Variants in PCDHA1 observed in about 807,000 individuals in gnomAD.
PCDHA1 encodes protocadherin alpha-1.
PCDHA1 carries 42 observed loss-of-function variants against 61.3 expected under a neutral mutation model. That is an observed-to-expected ratio of 0.69 (90% confidence interval 0.54 to 0.89). The LOEUF (loss-of-function observed/expected upper bound fraction) is 0.89. Ranked by LOEUF, PCDHA1 falls within the 40% of genes least tolerant of loss-of-function variation. The pLI is 0.00. For synonymous variants in PCDHA1, 610 were observed against 553.8 expected (o/e 1.10, Z -1.43); for missense variants, 1,256 against 1,235.3 (o/e 1.02, Z -0.25).
chr5:140,822,263 C>A, intron 1 of PCDHA1: 1 of 1,614,228 alleles, frequency 6.2e-7, no homozygotes, highest in Non-Finnish European at 8.5e-7. Flanking sequence ...GATATTGGAG[C>A]AAATGCACAA....
chr5:140,817,295 A>AG (rs1269324831), intron 1 of PCDHA1: 16 of 152,208 alleles, frequency 1.1e-4, no homozygotes, highest in Non-Finnish European at 2.1e-4. Flanking sequence ...ATGGGACTAT[A>AG]GGGAAAGTGC....
chr5:140,967,490 C>G (rs1554229615), intron 1 of PCDHA1: 2 of 1,613,210 alleles, frequency 1.2e-6, no homozygotes, highest in East Asian at 2.2e-5. Context: ...GGGTACGGCA[C>G]AGATCTCTGT....
At chr5:140,868,317 C>G (rs2050392446) in intron 1 of PCDHA1, 2 of 151,824 alleles carry the variant, frequency 1.3e-5, no homozygotes, top group South Asian at 4.2e-4. Context: ...TCATATTGTT[C>G]TGCAATGAAT....
chr5:140,982,967 T>C (rs1395576199), intron 3 of PCDHA1, among the ~76,000 whole-genome samples: 1 of 150,996 alleles, frequency 6.6e-6, no homozygotes, highest in Non-Finnish European at 1.5e-5. Flanking sequence ...CCACCCAAAG[T>C]AGTAAGGAAA....
chr5:140,848,780 G>C, intron 1 of PCDHA1: 3 of 1,593,474 alleles, frequency 1.9e-6, no homozygotes, highest in South Asian at 1.1e-5. Flanking sequence ...GCGAGGAGCT[G>C]TGCGGGCGGA....
intron 3 of PCDHA1, among the ~76,000 whole-genome samples, chr5:141,004,872 C>T (rs1242067093): frequency 6.6e-6 from 1 of 152,042 alleles, no homozygotes; most frequent in Non-Finnish European, 1.5e-5. Context: ...GTTTCTCATC[C>T]CTAAAGTGCT....
At chr5:140,860,585 A>G (rs782000527) in intron 1 of PCDHA1, 1 of 152,230 alleles carries the variant, frequency 6.6e-6, no homozygotes, top group African/African-American at 2.4e-5. Flanking sequence ...AAGGTATAGG[A>G]AAGGAGTTGG....
At position 140,927,227 on chromosome 5, in the gene PCDHA1, T is replaced by G. The variant is rs782721972; in HGVS notation, c.2395-51722T>G. The G allele has an allele frequency of 3.2e-5, 51 of 1,613,848 alleles. No individual in the cohort carries two copies. The highest frequency in any genetic ancestry group is 1.6e-4 in the Middle Eastern group (1 of 6,084). ...CCGCTGGAGCTGCACAAGATTCGGA[T>G]TCACGTCCTGGACACCAATGACAAC... On this transcript the variant is annotated intron_variant, in intron 1 of 3. Coordinates refer to ENST00000504120, the MANE Select transcript of PCDHA1 (RefSeq NM_018900.4).
intron 1 of PCDHA1, chr5:140,848,792 C>CAG (rs2150420729): frequency 1.3e-6 from 2 of 1,592,840 alleles, no homozygotes; most frequent in Non-Finnish European, 8.6e-7. Context: ...GCGGGCGGAG[C>CAG]GCGGAGTGCA....
At chr5:140,912,116 C>G (rs2075772929) in intron 1 of PCDHA1, among the ~76,000 whole-genome samples, 1 of 152,188 alleles carries the variant, frequency 6.6e-6, no homozygotes, top group Non-Finnish European at 1.5e-5. Context: ...GGCTGGGAGG[C>G]TAAGTCAGTC....
chr5:140,809,146 C>T, intron 1 of PCDHA1: 1 of 1,613,986 alleles, frequency 6.2e-7, no homozygotes, highest in Non-Finnish European at 8.5e-7. Flanking sequence ...TGGTGAAGGA[C>T]CACGGCGAGC....
intron 1 of PCDHA1, among the ~76,000 whole-genome samples, chr5:140,872,601 AAAT>A (rs1346815805): frequency 2.6e-5 from 4 of 152,140 alleles, no homozygotes; most frequent in African/African-American, 7.2e-5. Flanking sequence ...CCATCTGAAA[AAAT>A]AATTTTTTTT....
intron 1 of PCDHA1, among the ~76,000 whole-genome samples, chr5:140,974,566 C>T (rs2096631979): frequency 6.6e-6 from 1 of 152,138 alleles, no homozygotes; most frequent in African/African-American, 2.4e-5. Context: ...GGCTGGAGTG[C>T]AATGGCATGA....
At chr5:140,842,265 T>C in intron 1 of PCDHA1, 1 of 1,610,902 alleles carries the variant, frequency 6.2e-7, no homozygotes. Flanking sequence ...CAAGAAAACT[T>C]ATACAAAATC....
chr5:140,795,149 G>C, intron 1 of PCDHA1: 2 of 1,614,036 alleles, frequency 1.2e-6, no homozygotes, highest in Non-Finnish European at 1.7e-6. Flanking sequence ...CTGGTGCCGC[G>C]CCTGTTCCGG....
At chr5:140,834,585 T>C in intron 1 of PCDHA1, 1 of 1,614,126 alleles carries the variant, frequency 6.2e-7, no homozygotes, top group South Asian at 1.1e-5. Context: ...CCGGGCGGTG[T>C]GCAAATTCCG....
At chr5:140,920,767 C>T (rs1484117906) in intron 1 of PCDHA1, among the ~76,000 whole-genome samples, 1 of 151,632 alleles carries the variant, frequency 6.6e-6, no homozygotes. Context: ...TTGCTTACAC[C>T]TGGGAGGTGG....
chr5:140,800,074 G>A (rs1421495694), intron 1 of PCDHA1, among the ~76,000 whole-genome samples: 1 of 151,986 alleles, frequency 6.6e-6, no homozygotes, highest in African/African-American at 2.4e-5. Context: ...AAAAAAACTG[G>A]AATCTAGAAA....
At chr5:140,822,757 C>T (rs2150119240) in intron 1 of PCDHA1, 44 of 1,613,870 alleles carry the variant, frequency 2.7e-5, no homozygotes, top group Non-Finnish European at 3.6e-5. Flanking sequence ...AAGTACATTC[C>T]CATTATCAGG....
Sources: allele counts gnomAD v4.1 joint callset (sites outside exome capture counted in the v4.1 genomes callset), GRCh38; gene constraint gnomAD v4.1.1; transcripts MANE v1.5; gene names NCBI Gene and HGNC (gene_info 2026-07-23, HGNC 2026-07-21).